The following SPAG16 variants were observed in gnomAD, a reference collection of about 807,000 sequenced individuals.
The protein encoded by SPAG16 is sperm-associated antigen 16 protein.
SPAG16 carries 86 observed loss-of-function variants against 80.4 expected under a neutral mutation model. The observed-to-expected ratio is 1.07, with a 90% CI of 0.90 to 1.28. The LOEUF (loss-of-function observed/expected upper bound fraction) is 1.28. Ranked by LOEUF, SPAG16 falls within the 50% of genes most tolerant of loss-of-function variation. SPAG16 has a pLI of 0.00. For synonymous variants in SPAG16, 294 were observed against 265.9 expected, an observed-to-expected ratio of 1.11 and a Z score of -1.03; for missense variants, 870 against 765.3, an observed-to-expected ratio of 1.14 and a Z score of -1.61.
chr2:214,252,394 C>T (rs148811389), intron 15 of SPAG16, among the ~76,000 whole-genome samples: 2,525 of 152,012 alleles, frequency 0.017, 46 homozygotes, highest in East Asian at 0.071. Flanking sequence ...TTGCTGCACC[C>T]ATCAACCCAT....
At chr2:213,529,176 T>C (rs1302510020) in intron 10 of SPAG16, among the ~76,000 whole-genome samples, 1 of 152,176 alleles carries the variant, frequency 6.6e-6, no homozygotes, top group East Asian at 1.9e-4. Context: ...TTATTAAATT[T>C]TCATTAAGTT....
intron 15 of SPAG16, among the ~76,000 whole-genome samples, chr2:214,382,944 T>G (rs1319599644): frequency 6.6e-6 from 1 of 152,072 alleles, no homozygotes; most frequent in African/African-American, 2.4e-5. Context: ...GCCATGCCTA[T>G]CCCCATGCCT....
intron 11 of SPAG16, among the ~76,000 whole-genome samples, chr2:213,879,586 T>A (rs13425584): frequency 0.6 from 91,867 of 151,870 alleles, 29,351 homozygotes; most frequent in South Asian, 0.85. Flanking sequence ...GTAACTAGGT[T>A]GTGAGTGTAG....
intron 15 of SPAG16, among the ~76,000 whole-genome samples, chr2:214,218,197 T>C (rs867071606): frequency 6.6e-6 from 1 of 152,162 alleles, no homozygotes; most frequent in Non-Finnish European, 1.5e-5. Context: ...TCTTTTATGA[T>C]GTGTTGTTTT....
At position 214,125,999 on chromosome 2, in the gene SPAG16, TTTCCTTCCTTCC is replaced by T. The variant is rs869163622; in HGVS notation, c.1593+17789_1593+17800del. Among the ~76,000 whole-genome samples, 386 of 91,660 alleles carry T rather than the reference TTTCCTTCCTTCC, an allele frequency of 4.2e-3. 11 individuals carry two copies. The highest frequency in any genetic ancestry group is 7.4e-3 in the African/African-American group (183 of 24,878). The allele number at this position is 91,660 out of a possible 152,430, so 60.1% of individuals were successfully genotyped here. A position where few individuals can be genotyped will look rare whatever the true frequency, so the allele number is the denominator to read the frequency against. On this transcript the variant is annotated intron_variant, in intron 14 of 15. Transcript: ENST00000331683. The stretch of plus-strand genomic sequence containing the variant: ...GGCCTGACTTTCTTTTCCTTCCTTC[TTTCCTTCCTTCC>T]TTCCTTCCTTCCTTCCTTCCTTCCT...
At chr2:214,250,182 TAA>T (rs1426621498) in intron 15 of SPAG16, 1 of 152,140 alleles carries the variant, frequency 6.6e-6, no homozygotes, top group African/African-American at 2.4e-5. Context: ...AGAAAGTCTG[TAA>T]AGAGAGGAAC....
intron 9 of SPAG16, among the ~76,000 whole-genome samples, chr2:213,389,782 C>A (rs1017095258): frequency 6.6e-6 from 1 of 151,986 alleles, no homozygotes; most frequent in Non-Finnish European, 1.5e-5. Flanking sequence ...TCACTATTGG[C>A]AGAATGTAAA....
intron 11 of SPAG16, among the ~76,000 whole-genome samples, chr2:213,870,360 CT>C (rs66524283): frequency 0.59 from 90,340 of 151,974 alleles, 28,729 homozygotes; most frequent in South Asian, 0.85. Flanking sequence ...TCTATTGTGG[CT>C]TGCTAGTGTT....
At chr2:214,000,745 T>C (rs1051557870) in intron 12 of SPAG16, among the ~76,000 whole-genome samples, 1 of 152,200 alleles carries the variant, frequency 6.6e-6, no homozygotes, top group African/African-American at 2.4e-5. Flanking sequence ...GTGTTGTGGG[T>C]CCATTCGGGT....
chr2:213,891,311 T>C (rs1278089785), intron 11 of SPAG16, among the ~76,000 whole-genome samples: 2 of 152,100 alleles, frequency 1.3e-5, no homozygotes, highest in Admixed American at 6.6e-5. Context: ...AATCCTATTA[T>C]ATTAAGGATG....
In SPAG16 at chr2:213,393,005, A is replaced by G. The variant is rs143551547; in HGVS notation, c.942+17886A>G. On this transcript the variant is annotated intron_variant, in intron 9 of 15. Coordinates refer to ENST00000331683, the MANE Select transcript of SPAG16 (RefSeq NM_024532.5). ...ATATTTATAATTCTGTGCTAAGTAG[A>G]AAATCAAATAAACAGAAATACTTAC... Among the ~76,000 whole-genome samples, 26 of 152,314 alleles carry G rather than the reference A, an allele frequency of 1.7e-4. 1 individual carries two copies. The highest frequency in any genetic ancestry group is 6.3e-4 in the African/African-American group (26 of 41,574).
chr2:214,397,265 C>T (rs78999216), intron 15 of SPAG16, among the ~76,000 whole-genome samples: 14,308 of 150,162 alleles, frequency 0.095, 921 homozygotes, highest in East Asian at 0.26. Context: ...AAGCGATTCT[C>T]CTGCCTCAGC....
intron 15 of SPAG16, among the ~76,000 whole-genome samples, chr2:214,263,770 T>TAGAA (rs1194879370): frequency 6.6e-6 from 1 of 152,144 alleles, no homozygotes; most frequent in African/African-American, 2.4e-5. Context: ...GTAATACAAA[T>TAGAA]AGAAAGGCAT....
intron 10 of SPAG16, among the ~76,000 whole-genome samples, chr2:213,710,935 A>G (rs2065956111): frequency 2.0e-5 from 3 of 152,198 alleles, no homozygotes; most frequent in Admixed American, 2.0e-4. Context: ...AGTAAACAGC[A>G]TCTTTTTAGC....
At chr2:213,907,616 C>A (rs1352565594) in intron 11 of SPAG16, among the ~76,000 whole-genome samples, 1 of 152,032 alleles carries the variant, frequency 6.6e-6, no homozygotes, top group African/African-American at 2.4e-5. Flanking sequence ...CACAATAAAT[C>A]AACCTAAATG....
chr2:213,959,009 G>T (rs1298173166), intron 12 of SPAG16, among the ~76,000 whole-genome samples: 1 of 152,114 alleles, frequency 6.6e-6, no homozygotes, highest in South Asian at 2.1e-4. Context: ...ATTTTGAAGG[G>T]TATTTTTGGG....
At chr2:214,106,224 A>C (rs1437274162) in intron 13 of SPAG16, among the ~76,000 whole-genome samples, 1 of 152,188 alleles carries the variant, frequency 6.6e-6, no homozygotes, top group East Asian at 1.9e-4. Context: ...ACTGTATATT[A>C]GTTCTCAAAA....
At chr2:213,940,531 T>C (rs973610332) in intron 12 of SPAG16, among the ~76,000 whole-genome samples, 6 of 152,122 alleles carry the variant, frequency 3.9e-5, no homozygotes, top group East Asian at 1.9e-4. Flanking sequence ...CTGGCCCCAA[T>C]TGATCCTCCT....
intron 10 of SPAG16, among the ~76,000 whole-genome samples, chr2:213,660,055 T>G (rs546696430): frequency 5.3e-4 from 80 of 152,286 alleles, no homozygotes; most frequent in Admixed American, 9.2e-4. Context: ...GCACTGAGAA[T>G]GTACACTTTC....
Sources: allele counts gnomAD v4.1 joint callset (sites outside exome capture counted in the v4.1 genomes callset), GRCh38; gene constraint gnomAD v4.1.1; transcripts MANE v1.5; gene names NCBI Gene and HGNC (gene_info 2026-07-23, HGNC 2026-07-21).